The following PLA2G4B variants were observed in gnomAD, a reference collection of about 807,000 sequenced individuals.
PLA2G4B encodes the protein cytosolic phospholipase A2 beta.
Under a neutral mutation model 95.8 loss-of-function variants are expected in PLA2G4B, and 122 were observed. The observed-to-expected ratio is 1.27, with a 90% CI of 1.10 to 1.48. PLA2G4B has a LOEUF of 1.48. Among genes scored for constraint, PLA2G4B ranks in the 40% most tolerant of loss-of-function variants. PLA2G4B has a pLI of 0.00. For missense variants in PLA2G4B, 1,158 were observed against 996.2 expected (o/e 1.16, Z -2.19); for synonymous variants, 518 against 421.5 (o/e 1.23, Z -2.80).
At chr15:41,842,800 C>A in intron 10 of PLA2G4B, 1 of 676,186 alleles carries the variant, frequency 1.5e-6, no homozygotes. Context: ...GGCGAGTGAC[C>A]GGCCCAGTGC....
chr15:41,845,979 A>T lies in PLA2G4B; in HGVS notation c.1532A>T (p.Asp511Val). The change falls in exon 16 of 20, where the codon GAC (aspartate) becomes GTC (valine). Residue 511 changes from aspartate (D) to valine (V), a missense_variant. Coordinates refer to ENST00000458483, the MANE Select transcript of PLA2G4B (RefSeq NM_001114633.2). ...WSNLYAANLQ[D>V]SLYWASEPSQ... ...AACCTGTATGCAGCCAACCTCCAGG[A>T]CAGCTTATACTGGGCCTCAGAGCCC... 2.6e-6 allele frequency: 4 copies of T among 1,518,910 alleles called. No homozygotes were observed. The highest frequency in any genetic ancestry group is 3.5e-6 in the Non-Finnish European group (4 of 1,134,468). The allele number at this position is 1,518,910 out of a possible 1,614,324, so 94.1% of individuals were successfully genotyped here. A position where few individuals can be genotyped will look rare whatever the true frequency, so the allele number is the denominator to read the frequency against.
intron 11 of PLA2G4B, among the ~76,000 whole-genome samples, chr15:41,844,128 A>G (rs543841572): frequency 6.6e-6 from 1 of 152,264 alleles, no homozygotes; most frequent in South Asian, 2.1e-4. Context: ...GGAGGTTCAT[A>G]TTAGCCTGGG....
chr15:41,842,776 C>T, intron 10 of PLA2G4B, 185 bp downstream of exon 10: 2 of 915,132 alleles, frequency 2.2e-6, no homozygotes, highest in East Asian at 3.0e-5. Flanking sequence ...AGTCTTAGCA[C>T]CTATGGTCAG....
chr15:41,843,378 G>C (rs1054767303), intron 10 of PLA2G4B, among the ~76,000 whole-genome samples: 1 of 151,766 alleles, frequency 6.6e-6, no homozygotes, highest in Non-Finnish European at 1.5e-5. Flanking sequence ...ACGAGACTTG[G>C]AGGGGGGGGA....
Position 41,847,831 on chromosome 15 carries a change from CAGCGGA to C in PLA2G4B, c.2318_2323del (p.Gln773_Arg774del), listed in dbSNP as rs748478936. The C allele has an allele frequency of 6.2e-7, 1 of 1,613,102 alleles. No homozygotes were observed. Among genetic ancestry groups the C allele is most frequent in the South Asian group, 1.1e-5 (1 of 91,082 alleles). On this transcript the variant is annotated inframe_deletion, in exon 20 of 20. Coordinates refer to ENST00000458483, the MANE Select transcript of PLA2G4B (RefSeq NM_001114633.2). The stretch of plus-strand genomic sequence containing the variant: ...GCTGGAGGCTCTGCGCCAGGCAGTG[CAGCGGA>C]GGCGGCAGCGCAGGCCCCACTGATG...
Position 41,848,006 on chromosome 15 carries a change from C to G in PLA2G4B, c.*146C>G. On this transcript the variant is annotated 3_prime_UTR_variant, in exon 20 of 20. Transcript: ENST00000458483. ...AGGCTGAGGGCTGGGAGCTCCCTTGCGCCTCAGCAGTTTGCAGTGGGGTAA... is the reference window on the plus strand; with the variant it reads ...AGGCTGAGGGCTGGGAGCTCCCTTGGGCCTCAGCAGTTTGCAGTGGGGTAA... 1 of 1,153,198 alleles carries G rather than the reference C, an allele frequency of 8.7e-7. No individual in the cohort carries two copies. The highest frequency in any genetic ancestry group is 1.2e-6 in the Non-Finnish European group (1 of 835,236). 71.4% of individuals were successfully genotyped at this position (1,153,198 alleles called of 1,614,324 possible).
chr15:41,842,412 T>C, intron 9 of PLA2G4B, 136 bp downstream of exon 9: 1 of 1,543,822 alleles, frequency 6.5e-7, no homozygotes, highest in East Asian at 2.3e-5. Context: ...TTGGGGAGTG[T>C]CCTCTGAGCA....
chr15:41,843,715 T>C lies in PLA2G4B; in HGVS notation c.783T>C (p.Cys261=), dbSNP rs1310761794. 4 of 1,613,982 alleles carry C rather than the reference T, an allele frequency of 2.5e-6. No homozygotes were observed. The highest frequency in any genetic ancestry group is 3.4e-6 in the Non-Finnish European group (4 of 1,180,000). Residue 261 remains cysteine (C), a synonymous_variant, in exon 11 of 20, where the codon TGT becomes TGC. Coordinates refer to ENST00000458483, the MANE Select transcript of PLA2G4B (RefSeq NM_001114633.2). ...ELAVRLGFGP[C]AEEQAFLSRR... ...CCGTGCGACTGGGCTTCGGGCCCTG[T>C]GCAGAGGAGCAGGCCTTCCTGAGCA...
chr15:41,841,373 C>G, intron 6 of PLA2G4B, 100 bp downstream of exon 6: 1 of 1,608,916 alleles, frequency 6.2e-7, no homozygotes, highest in South Asian at 1.1e-5. Context: ...GCCTGGGGAC[C>G]CTGGGATTTC....
In PLA2G4B at chr15:41,847,984, C is replaced by G. The variant is rs949693634; in HGVS notation, c.*124C>G. Reference sequence around the variant, plus strand: ...AGGTGGCACGGTCCCAGGGTCCAGGCTGAGGGCTGGGAGCTCCCTTGCGCC... The same window carrying G: ...AGGTGGCACGGTCCCAGGGTCCAGGGTGAGGGCTGGGAGCTCCCTTGCGCC... On this transcript the variant is annotated 3_prime_UTR_variant, in exon 20 of 20. Coordinates refer to ENST00000458483, the MANE Select transcript of PLA2G4B (RefSeq NM_001114633.2). 9.7e-6 allele frequency: 13 copies of G among 1,338,394 alleles called. No individual in the cohort carries two copies. Among genetic ancestry groups the G allele is most frequent in the Non-Finnish European group, 1.3e-5 (13 of 996,158 alleles). 82.9% of individuals were successfully genotyped at this position (1,338,394 alleles called of 1,614,324 possible).
chr15:41,843,417 T>C (rs1266591447), intron 10 of PLA2G4B, among the ~76,000 whole-genome samples: 1 of 152,178 alleles, frequency 6.6e-6, no homozygotes, highest in Non-Finnish European at 1.5e-5. Flanking sequence ...CCTGGGGGCC[T>C]GTCTGCACCT....
intron 11 of PLA2G4B, 105 bp downstream of exon 11, chr15:41,843,916 CT>C: frequency 6.7e-7 from 1 of 1,483,036 alleles, no homozygotes. Flanking sequence ...GAGCTCGTAG[CT>C]GCCTGTCCCC....
At chr15:41,840,321 G>GGGTGGGCC in intron 2 of PLA2G4B, 91 bp downstream of exon 2, 2 of 1,584,284 alleles carry the variant, frequency 1.3e-6, no homozygotes, top group Non-Finnish European at 1.7e-6. Flanking sequence ...TGGTGGAGGC[G>GGGTGGGCC]GGTGGGCCGG....
rs1178472898 is a variant in PLA2G4B, at chr15:41,846,310, A to C, written c.1708A>C (p.Thr570Pro). The stretch of plus-strand genomic sequence containing the variant: ...GACGTGGCGTCCACTGGCCCAGGCC[A>C]CACATAATTTCCTGCGTGGCCTCCA... ...LLTWRPLAQA[T>P]HNFLRGLHFH... The change falls in exon 17 of 20, where the codon ACA (threonine) becomes CCA (proline). Residue 570 changes from threonine to proline, a missense_variant. Physicochemically the swap from Thr to Pro is conservative, Grantham distance 38. Transcript: ENST00000458483. 6.2e-7 allele frequency: 1 copy of C among 1,613,470 alleles called. No homozygotes were observed. The highest frequency in any genetic ancestry group is 1.3e-5 in the African/African-American group (1 of 75,058).
chr15:41,842,486 A>G, intron 9 of PLA2G4B, 68 bp from the exon 10 acceptor site: 2 of 1,598,456 alleles, frequency 1.3e-6, no homozygotes, highest in East Asian at 2.2e-5. Flanking sequence ...GCCGGGGATC[A>G]GGGTAAGAGG....
Position 41,847,507 on chromosome 15 carries a change from G to GGAGT in PLA2G4B, c.2119_2122dup (p.Tyr708Ter). ...TTCCTCTGGTCAGCGACTCCTTCCG[G>GGAGT]GAGTACTCGGCCCCTGGTGAGCTGC... On this transcript the variant is annotated frameshift_variant, in exon 19 of 20. Coordinates refer to ENST00000458483, the MANE Select transcript of PLA2G4B (RefSeq NM_001114633.2). LOFTEE classifies it low-confidence loss of function (END_TRUNC). 1 of 1,606,062 alleles carries GGAGT rather than the reference G, an allele frequency of 6.2e-7. No individual in the cohort carries two copies. The highest frequency in any genetic ancestry group is 1.7e-5 in the Admixed American group (1 of 59,782).
At chr15:41,842,068 G>C (rs938744292) in intron 8 of PLA2G4B, 119 bp downstream of exon 8, 9 of 1,557,210 alleles carry the variant, frequency 5.8e-6, no homozygotes, top group African/African-American at 1.4e-5. Context: ...GCATGTGTGG[G>C]CCCATGCTGG....
In PLA2G4B at chr15:41,842,496, G is replaced by A; in HGVS notation, c.706-58G>A. 3 of 1,608,408 alleles carry A rather than the reference G, an allele frequency of 1.9e-6. No homozygotes were observed. The Admixed American group carries it at 5.1e-5, about 27-fold the overall frequency. On this transcript the variant is annotated intron_variant, in intron 9 of 19. Transcript: ENST00000458483. Reference sequence around the variant, plus strand: ...GGTGCGCCGGGGATCAGGGTAAGAGGACCAGAGCTGGGTGGAGGTGGCCGA... The same window carrying A: ...GGTGCGCCGGGGATCAGGGTAAGAGAACCAGAGCTGGGTGGAGGTGGCCGA...
chr15:41,840,549 T>C lies in PLA2G4B; in HGVS notation c.108T>C (p.Thr36=), dbSNP rs1362684470. Residue 36 remains threonine, a synonymous_variant, in exon 3 of 20, where the codon ACT becomes ACC. Transcript: ENST00000458483. ...DLVTPSDCYV[T]LWLPTACSHR... ...TGACCCCCTCTGACTGCTACGTGAC[T>C]CTCTGGCTGCCCACGGCCTGCAGCC... 3.7e-6 allele frequency: 6 copies of C among 1,613,568 alleles called. No homozygotes were observed. Among genetic ancestry groups the C allele is most frequent in the Non-Finnish European group, 5.1e-6 (6 of 1,179,898 alleles).
Sources: allele counts gnomAD v4.1 joint callset (sites outside exome capture counted in the v4.1 genomes callset), GRCh38; gene constraint gnomAD v4.1.1; transcripts MANE v1.5; gene names NCBI Gene and HGNC (gene_info 2026-07-23, HGNC 2026-07-21).